CRTAM: variants seen among roughly 807,000 people sequenced by gnomAD.
The protein encoded by CRTAM is cytotoxic and regulatory T cell molecule.
A neutral mutation model predicts 50.0 loss-of-function variants in CRTAM; 44 were observed. The ratio of observed to expected loss-of-function variants is 0.88; its 90% confidence interval spans 0.69 to 1.13. CRTAM has a LOEUF of 1.13. Among genes scored for constraint, CRTAM ranks in the 50% most tolerant of loss-of-function variants. CRTAM has a pLI of 0.00. For missense variants in CRTAM, 448 were observed against 457.5 expected, an observed-to-expected ratio of 0.98 and a Z score of 0.19; for synonymous variants, 159 against 169.3, an observed-to-expected ratio of 0.94 and a Z score of 0.47.
chr11:122,870,833 T>G (rs1393604480), intron 9 of CRTAM, among the ~76,000 whole-genome samples: 1 of 152,086 alleles, frequency 6.6e-6, no homozygotes, highest in Non-Finnish European at 1.5e-5. Context: ...AATCCCAGGA[T>G]TTGGGGAGGC....
chr11:122,871,521 G>T lies in CRTAM; in HGVS notation c.*122G>T. 2 of 733,356 alleles carry T rather than the reference G, an allele frequency of 2.7e-6. No individual in the cohort carries two copies. Among genetic ancestry groups the T allele is most frequent in the African/African-American group, 3.6e-5 (2 of 55,504 alleles). The allele number at this position is 733,356 out of a possible 1,614,324, so 45.4% of individuals were successfully genotyped here. ...ATGACCTCTTAGTGCAATGCAAGAT[G>T]GTGTCCTCGGATAATGATCTGCCCC... On this transcript the variant is annotated 3_prime_UTR_variant, in exon 10 of 10. Coordinates refer to ENST00000227348, the MANE Select transcript of CRTAM (RefSeq NM_019604.4).
At chr11:122,869,028 T>A (rs944844545) in intron 9 of CRTAM, among the ~76,000 whole-genome samples, 1 of 151,858 alleles carries the variant, frequency 6.6e-6, no homozygotes, top group Non-Finnish European at 1.5e-5. Flanking sequence ...AAAATAAAAA[T>A]AAATAAAAAG....
chr11:122,860,077 T>C (rs910901661), intron 5 of CRTAM, among the ~76,000 whole-genome samples: 34 of 152,330 alleles, frequency 2.2e-4, no homozygotes, highest in African/African-American at 8.2e-4. Flanking sequence ...GATGGAGTCT[T>C]GCTCTTGTCG....
At chr11:122,842,048 T>C (rs765954147) in intron 1 of CRTAM, among the ~76,000 whole-genome samples, 1 of 152,132 alleles carries the variant, frequency 6.6e-6, no homozygotes, top group Non-Finnish European at 1.5e-5. Flanking sequence ...GACAAGAGAA[T>C]ATCATAGAAA....
intron 5 of CRTAM, among the ~76,000 whole-genome samples, chr11:122,861,627 G>C (rs1862084193): frequency 6.6e-6 from 1 of 151,288 alleles, no homozygotes; most frequent in South Asian, 2.1e-4. Flanking sequence ...TTAAAGTAGA[G>C]ATGGGGTTTC....
At chr11:122,851,643 G>T in intron 2 of CRTAM, 50 bp from the exon 3 acceptor site, 1 of 1,585,332 alleles carries the variant, frequency 6.3e-7, no homozygotes, top group Non-Finnish European at 8.7e-7. Context: ...AGAGGCCAAC[G>T]ATTCATCGGA....
chr11:122,858,707 T>C (rs1862035236), intron 5 of CRTAM, among the ~76,000 whole-genome samples: 1 of 151,984 alleles, frequency 6.6e-6, no homozygotes, highest in Non-Finnish European at 1.5e-5. Context: ...TTTAAAATTT[T>C]TTATAGAGAC....
At chr11:122,850,965 A>G (rs1699581025) in intron 2 of CRTAM, among the ~76,000 whole-genome samples, 1 of 152,236 alleles carries the variant, frequency 6.6e-6, no homozygotes, top group Admixed American at 6.5e-5. Context: ...AGAGCCTCTT[A>G]AAGCATATCA....
At chr11:122,863,226 TACGA>T (rs1329009233) in intron 6 of CRTAM, among the ~76,000 whole-genome samples, 1 of 77,502 alleles carries the variant, frequency 1.3e-5, no homozygotes, top group African/African-American at 5.6e-5. Context: ...GAAAATGAAT[TACGA>T]AAGAAAGAAA....
Position 122,865,404 on chromosome 11 carries a change from TTCTC to T in CRTAM, c.817+689_817+692del, listed in dbSNP as rs1292963468. Among the ~76,000 whole-genome samples the T allele has an allele frequency of 6.7e-5, 8 of 118,820 alleles. No individual in the cohort carries two copies. In the East Asian group the frequency reaches 1.6e-3, roughly 24 times the overall value. 78.0% of individuals were successfully genotyped at this position (118,820 alleles called of 152,430 possible). Reference sequence around the variant, plus strand: ...TTCCTGTTGCCACTAGGCAAAAGATTTCTCTCTTTTTTTTTTCTGGTTTTGTTTT... The same window carrying T: ...TTCCTGTTGCCACTAGGCAAAAGATTTCTTTTTTTTTTCTGGTTTTGTTTT... On this transcript the variant is annotated intron_variant, in intron 7 of 9. Coordinates refer to ENST00000227348, the MANE Select transcript of CRTAM (RefSeq NM_019604.4).
Position 122,848,012 on chromosome 11 carries a change from G to A in CRTAM, c.47-2056G>A, listed in dbSNP as rs138752830. On this transcript the variant is annotated intron_variant, in intron 1 of 9. Coordinates refer to ENST00000227348, the MANE Select transcript of CRTAM (RefSeq NM_019604.4). ...GTTGGTCCCAAGTATCTGAGGAGCA[G>A]CCACAGGGCTCTGGAATTTTATTCA... 2.0e-4 allele frequency among the ~76,000 whole-genome samples: 30 copies of A among 152,330 alleles called. 1 individual carries two copies. The East Asian group carries it at 3.7e-3, about 19-fold the overall frequency.
chr11:122,867,306 A>G (rs1862189532), intron 7 of CRTAM, 103 bp from the exon 8 acceptor site: 9 of 1,011,500 alleles, frequency 8.9e-6, no homozygotes, highest in Non-Finnish European at 1.3e-5. Flanking sequence ...TGAGCTGTCT[A>G]TTAGCTTATA....
At chr11:122,862,165 G>A in intron 5 of CRTAM, 1 of 370,490 alleles carries the variant, frequency 2.7e-6, no homozygotes, top group Non-Finnish European at 4.9e-6. Context: ...ACAGACAGAG[G>A]GATTGATTGA....
intron 1 of CRTAM, 125 bp downstream of exon 1, chr11:122,838,717 T>C: frequency 1.3e-6 from 1 of 797,414 alleles, no homozygotes; most frequent in South Asian, 1.6e-5. Flanking sequence ...TAACTGCTAA[T>C]ACTTTCCAAG....
chr11:122,867,308 T>C, intron 7 of CRTAM, 101 bp from the exon 8 acceptor site: 3 of 1,026,162 alleles, frequency 2.9e-6, no homozygotes, highest in Non-Finnish European at 4.2e-6. Flanking sequence ...AGCTGTCTAT[T>C]AGCTTATATC....
At chr11:122,866,347 C>T (rs1375506472) in intron 7 of CRTAM, among the ~76,000 whole-genome samples, 3 of 152,122 alleles carry the variant, frequency 2.0e-5, no homozygotes, top group African/African-American at 7.2e-5. Flanking sequence ...CCATTCTTGC[C>T]TCTGAACCCC....
At chr11:122,840,253 C>G (rs181604087) in intron 1 of CRTAM, among the ~76,000 whole-genome samples, 75 of 152,206 alleles carry the variant, frequency 4.9e-4, no homozygotes, top group African/African-American at 1.8e-3. Flanking sequence ...GTGTTAATTA[C>G]ACTTAATCAT....
chr11:122,868,464 A>G (rs1272312663), intron 9 of CRTAM, among the ~76,000 whole-genome samples: 1 of 152,128 alleles, frequency 6.6e-6, no homozygotes, highest in Non-Finnish European at 1.5e-5. Flanking sequence ...TTCCAGCTCC[A>G]GCAGACAGAT....
intron 6 of CRTAM, among the ~76,000 whole-genome samples, chr11:122,863,454 C>T (rs371351235): frequency 6.6e-6 from 1 of 152,188 alleles, no homozygotes; most frequent in South Asian, 2.1e-4. Flanking sequence ...TACATATTCT[C>T]TTTCCATTTC....
Sources: allele counts gnomAD v4.1 joint callset (sites outside exome capture counted in the v4.1 genomes callset), GRCh38; gene constraint gnomAD v4.1.1; transcripts MANE v1.5; gene names NCBI Gene and HGNC (gene_info 2026-07-23, HGNC 2026-07-21).